Variants in PIWIL1 observed in about 807,000 individuals in gnomAD.
PIWIL1 encodes the protein piwi like RNA-mediated gene silencing 1.
In PIWIL1, 73 loss-of-function variants were observed where a neutral mutation model predicts 114.4. The observed-to-expected ratio is 0.64, with a 90% CI of 0.53 to 0.78. The LOEUF (loss-of-function observed/expected upper bound fraction) is 0.78, where lower values mean the gene tolerates loss of function less well. Among genes scored for constraint, PIWIL1 ranks in the 30% least tolerant of loss-of-function variants. The pLI is 0.00. For synonymous variants in PIWIL1, 375 were observed against 369.0 expected (o/e 1.02, Z -0.19); for missense variants, 723 against 1,063.1 (o/e 0.68, Z 4.45).
At chr12:130,406,283 A>C in the PIWIL1 span, 1 of 1,352,822 alleles carries the variant, frequency 7.4e-7, no homozygotes, top group Non-Finnish European at 1.0e-6. Context: ...ATTTTTCTAC[A>C]CAACAGTAGT....
At chr12:130,346,177 T>C (rs2073063101) in intron 4 of PIWIL1, among the ~76,000 whole-genome samples, 193 bp from the exon 5 acceptor site, 2 of 152,252 alleles carry the variant, frequency 1.3e-5, no homozygotes, top group African/African-American at 4.8e-5. Context: ...TGTTTCTAAA[T>C]GTATGCTTCT....
At chr12:130,349,587 C>T in intron 8 of PIWIL1, 151 bp downstream of exon 8, 1 of 632,254 alleles carries the variant, frequency 1.6e-6, no homozygotes. Context: ...TTCCCAGGAT[C>T]ATAGTTTTGG....
chr12:130,339,561 T>A (rs868189560), intron 1 of PIWIL1: 3 of 152,246 alleles, frequency 2.0e-5, no homozygotes, highest in African/African-American at 7.2e-5. Context: ...CCAGCGAGTG[T>A]GGTTATTGGA....
intron 14 of PIWIL1, among the ~76,000 whole-genome samples, chr12:130,360,370 T>C (rs901853076): frequency 6.6e-6 from 1 of 152,140 alleles, no homozygotes; most frequent in Admixed American, 6.5e-5. Flanking sequence ...GCGTGGTGGC[T>C]CACACCTGTA....
Position 130,372,460 on chromosome 12 carries a change from T to A in PIWIL1, c.*862T>A, listed in dbSNP as rs1017208095. On this transcript the variant is annotated 3_prime_UTR_variant, in exon 21 of 21. Transcript: ENST00000245255. Reference sequence around the variant, plus strand: ...CAACATGGTGAAACCCCATCTCTACTAAAAATACAAAATTAGCCAGATGTG... The same window carrying A: ...CAACATGGTGAAACCCCATCTCTACAAAAAATACAAAATTAGCCAGATGTG... 3 of 152,006 alleles carry A rather than the reference T, an allele frequency of 2.0e-5. No homozygotes were observed. Among genetic ancestry groups the A allele is most frequent in the Non-Finnish European group, 4.4e-5 (3 of 68,006 alleles). 9.4% of individuals were successfully genotyped at this position (152,006 alleles called of 1,614,324 possible). A position where few individuals can be genotyped will look rare whatever the true frequency, so the allele number is the denominator to read the frequency against.
chr12:130,388,294 A>G, the PIWIL1 span, among the ~76,000 whole-genome samples: 1 of 151,846 alleles, frequency 6.6e-6, no homozygotes, highest in African/African-American at 2.4e-5. Flanking sequence ...TTTTCCACTG[A>G]TCTTCCATTT....
the PIWIL1 span, among the ~76,000 whole-genome samples, chr12:130,381,634 G>A: frequency 2.6e-5 from 4 of 152,158 alleles, no homozygotes; most frequent in Admixed American, 2.0e-4. Flanking sequence ...ATCTCTGTGC[G>A]GGTTCTTGTA....
At chr12:130,397,578 A>C in the PIWIL1 span, 1 of 398,814 alleles carries the variant, frequency 2.5e-6, no homozygotes, top group East Asian at 3.6e-5. Context: ...CAGTTTATTG[A>C]GTGTGTGAGC....
chr12:130,341,770 C>A (rs186002180), intron 1 of PIWIL1, among the ~76,000 whole-genome samples: 1 of 152,296 alleles, frequency 6.6e-6, no homozygotes, highest in Admixed American at 6.5e-5. Flanking sequence ...GGCCTCTACC[C>A]TTAATAGCCT....
At chr12:130,409,354 TTTTTTTG>T in the PIWIL1 span, among the ~76,000 whole-genome samples, 2 of 141,916 alleles carry the variant, frequency 1.4e-5, no homozygotes, top group African/African-American at 2.6e-5. Flanking sequence ...TTTTTTTTTT[TTTTTTTG>T]AGATGGACTC....
chr12:130,409,332 C>CTTTTTT, the PIWIL1 span, among the ~76,000 whole-genome samples: 28 of 65,404 alleles, frequency 4.3e-4, 3 homozygotes, highest in East Asian at 3.1e-3. Context: ...CAAAATGTAG[C>CTTTTTT]TTTTTTTTTT....
chr12:130,391,630 A>G, the PIWIL1 span, among the ~76,000 whole-genome samples: 1 of 152,172 alleles, frequency 6.6e-6, no homozygotes, highest in African/African-American at 2.4e-5. Context: ...GAAGTGCGGA[A>G]TGGTCACGAG....
intron 19 of PIWIL1, among the ~76,000 whole-genome samples, chr12:130,370,773 G>C (rs1234837695): frequency 6.6e-6 from 1 of 152,190 alleles, no homozygotes; most frequent in Non-Finnish European, 1.5e-5. Flanking sequence ...GGGAGTAACA[G>C]TCCCTGAAGC....
At chr12:130,339,627 G>C (rs1377680498) in intron 1 of PIWIL1, 1 of 152,210 alleles carries the variant, frequency 6.6e-6, no homozygotes, top group African/African-American at 2.4e-5. Flanking sequence ...AGGTGGTTTT[G>C]AAACTGGAAG....
intron 3 of PIWIL1, among the ~76,000 whole-genome samples, chr12:130,344,759 A>C (rs1182706439): frequency 2.6e-5 from 4 of 152,206 alleles, no homozygotes; most frequent in African/African-American, 9.6e-5. Flanking sequence ...CTCCATGGGC[A>C]GGGCAAAGGG....
the PIWIL1 span, among the ~76,000 whole-genome samples, chr12:130,382,423 T>G: frequency 6.6e-6 from 1 of 152,180 alleles, no homozygotes; most frequent in Non-Finnish European, 1.5e-5. Context: ...CAACAAAAAT[T>G]CCCTGACCCT....
At chr12:130,363,612 C>CTTTTTTTTTTT (rs34198016) in intron 18 of PIWIL1, among the ~76,000 whole-genome samples, 11 of 82,432 alleles carry the variant, frequency 1.3e-4, no homozygotes, top group Non-Finnish European at 2.1e-4. Flanking sequence ...TACTTTCTCC[C>CTTTTTTTTTTT]TTTTTTTTTT....
chr12:130,371,201 G>C lies in PIWIL1; in HGVS notation c.2347G>C (p.Ala783Pro). ...EWYDFFIVSQAVRSGSVSPTH... is the reference protein window; with the variant it reads ...EWYDFFIVSQPVRSGSVSPTH... The stretch of plus-strand genomic sequence containing the variant: ...GTATGACTTTTTTATCGTGAGCCAG[G>C]CTGTGAGAAGTGGTAGTGTTTCTCC... Residue 783 changes from alanine (A) to proline (P), a missense_variant, in exon 20 of 21, where the codon GCT becomes CCT. Ala to Pro is a conservative substitution (Grantham distance 27). Transcript: ENST00000245255. The C allele has an allele frequency of 1.2e-6, 2 of 1,614,136 alleles. No homozygotes were observed. Among genetic ancestry groups the C allele is most frequent in the Non-Finnish European group, 1.7e-6 (2 of 1,180,020 alleles).
downstream of PIWIL1, among the ~76,000 whole-genome samples, chr12:130,377,539 CG>C (rs2073877342): frequency 6.6e-6 from 1 of 152,210 alleles, no homozygotes; most frequent in Non-Finnish European, 1.5e-5. Context: ...AAAAGCAACC[CG>C]GCTTTTGAGA....
Sources: allele counts gnomAD v4.1 joint callset (sites outside exome capture counted in the v4.1 genomes callset), GRCh38; gene constraint gnomAD v4.1.1; transcripts MANE v1.5; gene names NCBI Gene and HGNC (gene_info 2026-07-23, HGNC 2026-07-21).